The following UGT1A10 variants were observed in gnomAD, a reference collection of about 807,000 sequenced individuals.
UGT1A10 encodes UDP-glucuronosyltransferase 1A10.
Under a neutral mutation model 45.8 loss-of-function variants are expected in UGT1A10, and 49 were observed. The ratio of observed to expected loss-of-function variants is 1.07; its 90% CI spans 0.85 to 1.36. The LOEUF (loss-of-function observed/expected upper bound fraction) is 1.36, where lower values mean the gene tolerates loss of function less well. UGT1A10 is among the 40% of genes most tolerant of loss of function. The pLI, the probability that UGT1A10 is intolerant of heterozygous loss-of-function variation, is 0.00. For missense variants in UGT1A10, 745 were observed against 668.6 expected (o/e 1.11, Z -1.26); for synonymous variants, 284 against 249.7 (o/e 1.14, Z -1.29).
intron 1 of UGT1A10, chr2:233,760,931 T>C (rs1360622092): frequency 4.3e-6 from 7 of 1,614,090 alleles, no homozygotes; most frequent in South Asian, 2.2e-5. Flanking sequence ...AACATGCTCA[T>C]TGCCTTTTCA....
chr2:233,705,467 A>G (rs1370411628), intron 1 of UGT1A10, among the ~76,000 whole-genome samples: 1 of 152,208 alleles, frequency 6.6e-6, no homozygotes, highest in African/African-American at 2.4e-5. Flanking sequence ...TAGCAGACAC[A>G]CATGAGGCAA....
intron 1 of UGT1A10, among the ~76,000 whole-genome samples, chr2:233,661,905 G>A (rs1204428517): frequency 6.6e-6 from 1 of 151,766 alleles, no homozygotes. Context: ...GACAAACAAT[G>A]CATGAGAACT....
intron 1 of UGT1A10, among the ~76,000 whole-genome samples, chr2:233,688,680 A>G (rs1230576037): frequency 6.6e-6 from 1 of 152,200 alleles, no homozygotes; most frequent in Non-Finnish European, 1.5e-5. Flanking sequence ...TTTTTAAAAA[A>G]TTTAATATTA....
intron 1 of UGT1A10, chr2:233,648,221 A>C (rs2073650858): frequency 1.6e-6 from 1 of 642,446 alleles, no homozygotes; most frequent in South Asian, 2.6e-5. Flanking sequence ...TTGTTTAATG[A>C]CTGAAAATTA....
intron 1 of UGT1A10, among the ~76,000 whole-genome samples, chr2:233,661,623 T>TTTTCTTTCCTTCTTTCTTTCTTTC (rs1553602618): frequency 3.2e-5 from 4 of 124,046 alleles, no homozygotes; most frequent in African/African-American, 1.3e-4. Flanking sequence ...ACTTACTGAA[T>TTTTCTTTCCTTCTTTCTTTCTTTC]TTTCTTTCTT....
intron 1 of UGT1A10, among the ~76,000 whole-genome samples, chr2:233,703,898 C>CT (rs1039785943): frequency 2.0e-4 from 29 of 147,302 alleles, no homozygotes; most frequent in African/African-American, 4.5e-4. Context: ...TTTTTCTTTT[C>CT]TTTTTTTTTT....
At position 233,772,691 on chromosome 2, in the gene UGT1A10, T is replaced by G. The variant is rs1314986383; in HGVS notation, c.*132T>G. ...TTGCATAAATTAATCAGCCCCAGAG[T>G]GCTTTAAAAAATTCTCTTAAATAAA... On this transcript the variant is annotated 3_prime_UTR_variant, in exon 5 of 5. Transcript: ENST00000344644. 1 of 1,488,486 alleles carries G rather than the reference T, an allele frequency of 6.7e-7. No individual in the cohort carries two copies. Among genetic ancestry groups the G allele is most frequent in the African/African-American group, 1.4e-5 (1 of 70,486 alleles). The allele number at this position is 1,488,486 out of a possible 1,614,324, so 92.2% of individuals were successfully genotyped here. A position where few individuals can be genotyped will look rare whatever the true frequency, so the allele number is the denominator to read the frequency against.
At chr2:233,751,255 T>G (rs977070137) in intron 1 of UGT1A10, among the ~76,000 whole-genome samples, 1 of 151,972 alleles carries the variant, frequency 6.6e-6, no homozygotes, top group Non-Finnish European at 1.5e-5. Context: ...GCATGGGGCC[T>G]GTAGCCCCCT....
chr2:233,726,439 C>G (rs2077532269), intron 1 of UGT1A10, among the ~76,000 whole-genome samples: 1 of 152,184 alleles, frequency 6.6e-6, no homozygotes, highest in African/African-American at 2.4e-5. Context: ...TAATCTTATT[C>G]TTTCCACTGA....
intron 1 of UGT1A10, among the ~76,000 whole-genome samples, chr2:233,757,535 A>AATATATATACATATATATATATATAT (rs376887521): frequency 5.7e-5 from 5 of 88,270 alleles, no homozygotes; most frequent in Admixed American, 1.1e-4. Flanking sequence ...GCCTGTAAGG[A>AATATATATACATATATATATATATAT]ATATATATAT....
chr2:233,732,755 GTT>G (rs956485327), intron 1 of UGT1A10, among the ~76,000 whole-genome samples: 5 of 120,192 alleles, frequency 4.2e-5, no homozygotes, highest in Non-Finnish European at 9.1e-5. Context: ...CACCAGCTTT[GTT>G]TTTTTTTTTT....
intron 1 of UGT1A10, chr2:233,747,437 C>G: frequency 1.9e-6 from 3 of 1,608,846 alleles, no homozygotes; most frequent in Non-Finnish European, 2.6e-6. Context: ...AGAAATTTTT[C>G]ACCCTGACAA....
chr2:233,714,291 C>T (rs1156698569), intron 1 of UGT1A10, among the ~76,000 whole-genome samples: 1 of 152,082 alleles, frequency 6.6e-6, no homozygotes, highest in African/African-American at 2.4e-5. Flanking sequence ...TTTAGTGGTC[C>T]CATCTTGCAA....
intron 1 of UGT1A10, among the ~76,000 whole-genome samples, chr2:233,764,723 G>A (rs547202766): frequency 1.3e-5 from 2 of 152,270 alleles, no homozygotes; most frequent in African/African-American, 4.8e-5. Flanking sequence ...CAAGAAAGAG[G>A]GAGAGAAAGA....
chr2:233,758,800 G>A (rs970637590), intron 1 of UGT1A10, among the ~76,000 whole-genome samples: 4 of 152,152 alleles, frequency 2.6e-5, no homozygotes, highest in African/African-American at 9.7e-5. Flanking sequence ...TCTTGGAATT[G>A]TATAGTACAG....
intron 1 of UGT1A10, among the ~76,000 whole-genome samples, chr2:233,694,304 GT>G (rs35761222): frequency 2.1e-4 from 30 of 145,430 alleles, no homozygotes; most frequent in East Asian, 4.0e-4. Flanking sequence ...CCTGTTTTTT[GT>G]TTTTTTTTTT....
At chr2:233,729,636 G>T (rs755096883) in intron 1 of UGT1A10, 3 of 1,613,468 alleles carry the variant, frequency 1.9e-6, no homozygotes, top group East Asian at 4.5e-5. Flanking sequence ...TTCCTACTGT[G>T]TTTTTTTTGA....
chr2:233,747,009 G>A (rs1693538108), intron 1 of UGT1A10, among the ~76,000 whole-genome samples: 1 of 151,886 alleles, frequency 6.6e-6, no homozygotes, highest in African/African-American at 2.4e-5. Context: ...TCAAGTAGGA[G>A]TGATCGGTCT....
At chr2:233,683,924 T>C (rs533531080) in intron 1 of UGT1A10, among the ~76,000 whole-genome samples, 1 of 152,336 alleles carries the variant, frequency 6.6e-6, no homozygotes, top group African/African-American at 2.4e-5. Context: ...AGTTCCAAAA[T>C]ATTATTAATA....
Sources: gnomAD v4.1 joint callset for allele counts (sites outside exome capture counted in the v4.1 genomes callset) on GRCh38, gnomAD v4.1.1 for gene constraint, MANE v1.5 for transcripts, NCBI Gene and HGNC (gene_info 2026-07-23, HGNC 2026-07-21) for gene names.